FHIT: variants seen among roughly 807,000 people sequenced by gnomAD.
FHIT encodes bis(5'-adenosyl)-triphosphatase.
A neutral mutation model predicts 17.9 loss-of-function variants in FHIT; 19 were observed. That is an observed-to-expected ratio of 1.06 (90% confidence interval 0.74 to 1.56). The LOEUF (loss-of-function observed/expected upper bound fraction) is 1.56. Ranked by LOEUF, FHIT falls within the 40% of genes most tolerant of loss-of-function variation. The pLI is 0.00. For synonymous variants in FHIT, 81 were observed against 69.7 expected (o/e 1.16, Z -0.81); for missense variants, 248 against 189.2 (o/e 1.31, Z -1.82).
At chr3:60,289,423 C>T (rs1003377448) in intron 5 of FHIT, among the ~76,000 whole-genome samples, 4 of 152,098 alleles carry the variant, frequency 2.6e-5, no homozygotes, top group Non-Finnish European at 5.9e-5. Flanking sequence ...ATATCCATTC[C>T]ATGGCTCAAA....
chr3:61,141,528 A>G (rs1021010096), intron 2 of FHIT, among the ~76,000 whole-genome samples: 3 of 151,940 alleles, frequency 2.0e-5, no homozygotes, highest in Non-Finnish European at 2.9e-5. Context: ...TTGAAAGTCA[A>G]TACTAAACAT....
intron 2 of FHIT, among the ~76,000 whole-genome samples, chr3:61,055,743 A>G (rs183484928): frequency 1.1e-4 from 17 of 152,350 alleles, no homozygotes; most frequent in East Asian, 3.8e-4. Flanking sequence ...GGTGGAATCC[A>G]TGAGTGACAT....
chr3:60,120,191 C>G (rs1705183612), intron 5 of FHIT, among the ~76,000 whole-genome samples: 1 of 152,212 alleles, frequency 6.6e-6, no homozygotes, highest in South Asian at 2.1e-4. Context: ...GTAGTCTTGC[C>G]TGATGTATGC....
chr3:59,986,515 A>AAATATATT (rs1559523327), intron 7 of FHIT, among the ~76,000 whole-genome samples: 1 of 12,954 alleles, frequency 7.7e-5, no homozygotes, highest in African/African-American at 2.6e-4. Flanking sequence ...ATATATATAT[A>AAATATATT]TATATATATA....
At chr3:59,977,352 C>T (rs1241061630) in intron 7 of FHIT, among the ~76,000 whole-genome samples, 1 of 152,076 alleles carries the variant, frequency 6.6e-6, no homozygotes, top group East Asian at 1.9e-4. Flanking sequence ...AATTTATGCT[C>T]CCTTCACAAC....
intron 5 of FHIT, among the ~76,000 whole-genome samples, chr3:60,528,601 T>G (rs1411382625): frequency 1.3e-5 from 2 of 152,190 alleles, no homozygotes; most frequent in African/African-American, 4.8e-5. Context: ...CCTACAACTA[T>G]GCTTGACTTA....
Position 61,028,880 on chromosome 3 carries a change from C to T in FHIT, c.-111+13167G>A, listed in dbSNP as rs561158649. On this transcript the variant is annotated intron_variant, in intron 3 of 9. Transcript: ENST00000492590. ...AGGCAGAAGGAAGAAAATAAGCACC[C>T]CCCACCAACAAAAAAAAAAAGAAAA... Among the ~76,000 whole-genome samples, 37 of 150,324 alleles carry T rather than the reference C, an allele frequency of 2.5e-4. No individual in the cohort carries two copies. The East Asian group carries it at 7.0e-3, about 29-fold the overall frequency.
chr3:61,037,742 T>A (rs567934372), intron 3 of FHIT, among the ~76,000 whole-genome samples: 48 of 152,356 alleles, frequency 3.2e-4, no homozygotes, highest in African/African-American at 1.1e-3. Flanking sequence ...TGTGCATGTC[T>A]TTTATCCTTC....
intron 1 of FHIT, among the ~76,000 whole-genome samples, chr3:61,219,731 A>C (rs2039785694): frequency 6.6e-6 from 1 of 152,238 alleles, no homozygotes; most frequent in African/African-American, 2.4e-5. Flanking sequence ...AGAGCAGTAC[A>C]GGCCAGTAAC....
intron 8 of FHIT, among the ~76,000 whole-genome samples, chr3:59,898,718 C>T (rs1704188833): frequency 6.6e-6 from 1 of 151,820 alleles, no homozygotes; most frequent in Non-Finnish European, 1.5e-5. Flanking sequence ...AGCCATGTGA[C>T]CTTACAACAC....
At chr3:60,331,935 C>A (rs1709999174) in intron 5 of FHIT, among the ~76,000 whole-genome samples, 1 of 151,936 alleles carries the variant, frequency 6.6e-6, no homozygotes, top group South Asian at 2.1e-4. Context: ...TCATGATTCT[C>A]CCACATTATT....
intron 5 of FHIT, among the ~76,000 whole-genome samples, chr3:60,172,377 T>C (rs546547937): frequency 2.0e-4 from 31 of 152,056 alleles, no homozygotes; most frequent in African/African-American, 7.0e-4. Flanking sequence ...GTGATTCTCC[T>C]GCCTCAGCAC....
At chr3:59,831,125 G>A (rs1215863557) in intron 8 of FHIT, among the ~76,000 whole-genome samples, 12 of 152,130 alleles carry the variant, frequency 7.9e-5, no homozygotes, top group Admixed American at 7.9e-4. Context: ...GTGAAGATGT[G>A]CTTGAGAAGA....
chr3:61,015,090 G>C (rs1238312497), intron 3 of FHIT, among the ~76,000 whole-genome samples: 1 of 151,906 alleles, frequency 6.6e-6, no homozygotes, highest in African/African-American at 2.4e-5. Context: ...TTGGTGGTCA[G>C]CTGTCAGAGT....
intron 8 of FHIT, among the ~76,000 whole-genome samples, chr3:59,826,855 AC>A (rs1700996492): frequency 3.3e-5 from 5 of 152,152 alleles, no homozygotes; most frequent in Admixed American, 3.3e-4. Flanking sequence ...TTAGAATAAA[AC>A]CATTTTTTTA....
Position 60,129,118 on chromosome 3 carries a change from T to C in FHIT, c.104-114966A>G, listed in dbSNP as rs139015112. On this transcript the variant is annotated intron_variant, in intron 5 of 9. Coordinates refer to ENST00000492590, the MANE Select transcript of FHIT (RefSeq NM_002012.4). ...CCCAGACTGGAGTGCAGTGGCGCAA[T>C]CTTGGCTCACTGCAACCTCCGCCTC... 2.3e-4 allele frequency among the ~76,000 whole-genome samples: 32 copies of C among 139,368 alleles called. No homozygotes were observed. In the East Asian group the frequency reaches 5.1e-3, roughly 22 times the overall value. 91.4% of individuals were successfully genotyped at this position (139,368 alleles called of 152,430 possible). A position where few individuals can be genotyped will look rare whatever the true frequency, so the allele number is the denominator to read the frequency against.
At position 60,766,843 on chromosome 3, in the gene FHIT, C is replaced by T. The variant is rs576698473; in HGVS notation, c.-18+55076G>A. ...ACACAGAGATAAGCAAGACAAGATC[C>T]TTATCCCTGAAGAAGTCACAGTTCA... On this transcript the variant is annotated intron_variant, in intron 4 of 9. Coordinates refer to ENST00000492590, the MANE Select transcript of FHIT (RefSeq NM_002012.4). Among the ~76,000 whole-genome samples, 10 of 152,238 alleles carry T rather than the reference C, an allele frequency of 6.6e-5. No homozygotes were observed. The East Asian group carries it at 1.9e-3, about 29-fold the overall frequency.
chr3:60,538,947 T>C lies in FHIT; in HGVS notation c.-17-1968A>G, dbSNP rs1374277669. ...AAAGCCAAAATTGACAAATGGGTTC[T>C]AATTAAACTAAAGAGCTTCTGCACA... On this transcript the variant is annotated intron_variant, in intron 4 of 9. Coordinates refer to ENST00000492590, the MANE Select transcript of FHIT (RefSeq NM_002012.4). Among the ~76,000 whole-genome samples the C allele has an allele frequency of 4.6e-5, 7 of 152,056 alleles. No homozygotes were observed. The East Asian group carries it at 1.2e-3, about 25-fold the overall frequency.
chr3:60,282,553 A>T (rs1254634201), intron 5 of FHIT, among the ~76,000 whole-genome samples: 2 of 152,182 alleles, frequency 1.3e-5, no homozygotes, highest in Non-Finnish European at 2.9e-5. Context: ...AGTGAACTTT[A>T]AAGTAAAGTA....
Sources: allele counts gnomAD v4.1 joint callset (sites outside exome capture counted in the v4.1 genomes callset), GRCh38; gene constraint gnomAD v4.1.1; transcripts MANE v1.5; gene names NCBI Gene and HGNC (gene_info 2026-07-23, HGNC 2026-07-21).